PPFIA2: variants seen among roughly 807,000 people sequenced by gnomAD.
The protein encoded by PPFIA2 is PPFI scaffold protein A2, also known as liprin-alpha-2.
PPFIA2 carries 46 observed loss-of-function variants against 175.5 expected under a neutral mutation model. That is an observed-to-expected ratio of 0.26 (90% CI 0.21 to 0.34). The LOEUF is 0.34. Among genes scored for constraint, PPFIA2 ranks in the 10% least tolerant of loss-of-function variants. The pLI is 1.00. For synonymous variants in PPFIA2, 568 were observed against 511.4 expected (o/e 1.11, Z -1.49); for missense variants, 1,179 against 1,506.1 (o/e 0.78, Z 3.60).
intron 3 of PPFIA2, among the ~76,000 whole-genome samples, chr12:81,705,614 A>C (rs1267176664): frequency 6.6e-6 from 1 of 152,180 alleles, no homozygotes; most frequent in East Asian, 1.9e-4. Context: ...ATACAAGCAC[A>C]ATATCTCAGT....
chr12:81,612,517 G>C (rs765389517), intron 4 of PPFIA2, among the ~76,000 whole-genome samples: 1 of 151,962 alleles, frequency 6.6e-6, no homozygotes, highest in African/African-American at 2.4e-5. Flanking sequence ...AAAAAACTTC[G>C]AATACCTCAG....
chr12:81,629,422 G>A (rs1191039449), intron 4 of PPFIA2, among the ~76,000 whole-genome samples: 6 of 151,982 alleles, frequency 3.9e-5, no homozygotes, highest in East Asian at 1.9e-4. Flanking sequence ...TTTTGGGGTT[G>A]GGGGAGGGCT....
intron 3 of PPFIA2, among the ~76,000 whole-genome samples, chr12:81,687,142 A>T (rs2074537079): frequency 6.6e-6 from 1 of 152,050 alleles, no homozygotes; most frequent in South Asian, 2.1e-4. Context: ...TGTATTTTAA[A>T]TGCAAATATA....
intron 3 of PPFIA2, among the ~76,000 whole-genome samples, chr12:81,701,846 C>T (rs4842402): frequency 0.33 from 47,881 of 146,786 alleles, 8,587 homozygotes; most frequent in Middle Eastern, 0.49. Flanking sequence ...TTCTGATGAA[C>T]CCCGAACTGA....
chr12:81,359,436 T>A (rs1326783049), intron 15 of PPFIA2, among the ~76,000 whole-genome samples: 1 of 151,486 alleles, frequency 6.6e-6, no homozygotes, highest in African/African-American at 2.4e-5. Flanking sequence ...TTATCATGGA[T>A]AAGTTACATT....
intron 4 of PPFIA2, among the ~76,000 whole-genome samples, chr12:81,611,174 C>T (rs894463293): frequency 6.6e-6 from 1 of 152,068 alleles, no homozygotes; most frequent in African/African-American, 2.4e-5. Flanking sequence ...CAGTCACCAG[C>T]GCTGTGCCTC....
chr12:81,357,618 A>G (rs2061043219), intron 16 of PPFIA2, among the ~76,000 whole-genome samples: 1 of 152,188 alleles, frequency 6.6e-6, no homozygotes, highest in South Asian at 2.1e-4. Context: ...ACCAATTTTA[A>G]TTAAGTTAAT....
intron 5 of PPFIA2, among the ~76,000 whole-genome samples, chr12:81,454,178 C>T (rs938590398): frequency 6.6e-6 from 1 of 152,032 alleles, no homozygotes; most frequent in African/African-American, 2.4e-5. Flanking sequence ...CATGATTGTG[C>T]CACTGCACTC....
rs2038407802 is a variant in PPFIA2, at chr12:81,384,196, C to A, written c.811G>T (p.Val271Phe). ...TTTTCAAGCAATTCTTGTAGTTCAA[C>A]TATTTGACTAGTTTCATCGGTTGAG... is the stretch of plus-strand genomic sequence containing the variant. ...IDSTDETSQI[V>F]ELQELLEKQN... The change falls in exon 9 of 33, where the codon GTT (valine) becomes TTT (phenylalanine). Residue 271 changes from valine to phenylalanine, a missense_variant. Transcript: ENST00000549396. 6.2e-7 allele frequency: 1 copy of A among 1,607,410 alleles called. No individual in the cohort carries two copies.
intron 8 of PPFIA2, among the ~76,000 whole-genome samples, chr12:81,403,006 T>G (rs1596140751): frequency 6.6e-6 from 1 of 152,292 alleles, no homozygotes; most frequent in South Asian, 2.1e-4. Context: ...TTATACACAT[T>G]TTAGGTTTAC....
intron 4 of PPFIA2, among the ~76,000 whole-genome samples, chr12:81,496,897 C>G (rs1165173643): frequency 6.6e-6 from 1 of 152,166 alleles, no homozygotes; most frequent in Non-Finnish European, 1.5e-5. Context: ...ATGCCACAGA[C>G]CACAGTCTAC....
At position 81,480,615 on chromosome 12, in the gene PPFIA2, A is replaced by T. The variant is rs1200787779; in HGVS notation, c.304-22749T>A. 2.6e-5 allele frequency among the ~76,000 whole-genome samples: 4 copies of T among 151,894 alleles called. No individual in the cohort carries two copies. In the East Asian group the frequency reaches 5.8e-4, roughly 22 times the overall value. ...TTCTGTGTGGATGTCCTTTTTGTTG[A>T]TGTTGATGCTCTTCCTTTGTATTTG... On this transcript the variant is annotated intron_variant, in intron 4 of 32. Transcript: ENST00000549396.
chr12:81,546,326 G>A (rs1452822457), intron 4 of PPFIA2: 2 of 152,050 alleles, frequency 1.3e-5, no homozygotes, highest in African/African-American at 4.8e-5. Context: ...AAATTTGTGT[G>A]CAATATCTAA....
At chr12:81,479,444 C>T (rs546272083) in intron 4 of PPFIA2, among the ~76,000 whole-genome samples, 66 of 152,154 alleles carry the variant, frequency 4.3e-4, no homozygotes, top group Non-Finnish European at 6.6e-4. Context: ...AATATTTTCA[C>T]GTGTGAATTT....
intron 4 of PPFIA2, among the ~76,000 whole-genome samples, chr12:81,480,502 G>A (rs1384621022): frequency 6.6e-6 from 1 of 152,004 alleles, no homozygotes; most frequent in Admixed American, 6.6e-5. Context: ...ATTGGTTTTG[G>A]GAATATTCAG....
chr12:81,475,536 C>A (rs1424066712), intron 4 of PPFIA2, among the ~76,000 whole-genome samples: 1 of 151,986 alleles, frequency 6.6e-6, no homozygotes, highest in Admixed American at 6.6e-5. Flanking sequence ...TAGTTCTTCC[C>A]GTGATTTTAA....
chr12:81,637,853 C>G (rs945029622), intron 4 of PPFIA2, among the ~76,000 whole-genome samples: 4 of 152,086 alleles, frequency 2.6e-5, no homozygotes, highest in Non-Finnish European at 5.9e-5. Flanking sequence ...CAAAAAAGCA[C>G]AGTTTCAAAT....
At chr12:81,451,570 T>C (rs1437383975) in intron 5 of PPFIA2, among the ~76,000 whole-genome samples, 2 of 152,210 alleles carry the variant, frequency 1.3e-5, no homozygotes, top group African/African-American at 4.8e-5. Context: ...TGTCTTTATT[T>C]AAACAGCCAA....
At chr12:81,605,671 C>G (rs2060225046) in intron 4 of PPFIA2, among the ~76,000 whole-genome samples, 1 of 150,352 alleles carries the variant, frequency 6.7e-6, no homozygotes, top group Non-Finnish European at 1.5e-5. Flanking sequence ...ATCTATCTAT[C>G]TATCTATCTA....
Sources: gnomAD v4.1 joint callset for allele counts (sites outside exome capture counted in the v4.1 genomes callset) on GRCh38, gnomAD v4.1.1 for gene constraint, MANE v1.5 for transcripts, NCBI Gene and HGNC (gene_info 2026-07-23, HGNC 2026-07-21) for gene names.